Variants in TAPT1 observed in about 807,000 individuals in gnomAD.
TAPT1 encodes transmembrane anterior posterior transformation 1.
Under a neutral mutation model 65.6 loss-of-function variants are expected in TAPT1, and 28 were observed. That is an observed-to-expected ratio of 0.43 (90% confidence interval 0.32 to 0.59). TAPT1 has a LOEUF of 0.59. Among genes scored for constraint, TAPT1 ranks in the 20% least tolerant of loss-of-function variants. The probability of loss-of-function intolerance (pLI) is 0.09; values close to 1 mark genes in which losing one functional copy is unlikely to be tolerated. For synonymous variants in TAPT1, 278 were observed against 245.2 expected (o/e 1.13, Z -1.25); for missense variants, 563 against 679.9 (o/e 0.83, Z 1.91).
rs938505133 is a variant in TAPT1, at chr4:16,172,893, C to T, written c.1236+1311G>A. On this transcript the variant is annotated intron_variant, in intron 11 of 13. Coordinates refer to ENST00000405303, the MANE Select transcript of TAPT1 (RefSeq NM_153365.3). ...AGGCTGGAGGGCAGTGACGCGATCT[C>T]GGCTTACTGCAACCTTCCCTCCCAG... Among the ~76,000 whole-genome samples, 48 of 151,974 alleles carry T rather than the reference C, an allele frequency of 3.2e-4. 1 individual carries two copies. The highest frequency in any genetic ancestry group is 1.1e-3 in the African/African-American group (46 of 41,472).
chr4:16,165,609 A>G (rs1747557642), intron 13 of TAPT1, among the ~76,000 whole-genome samples: 1 of 152,086 alleles, frequency 6.6e-6, no homozygotes, highest in South Asian at 2.1e-4. Context: ...ACTAAAAGTT[A>G]TATGAACAAA....
chr4:16,180,579 G>A lies in TAPT1; in HGVS notation c.917-922C>T, dbSNP rs147928432. On this transcript the variant is annotated intron_variant, in intron 7 of 13. Coordinates refer to ENST00000405303, the MANE Select transcript of TAPT1 (RefSeq NM_153365.3). The stretch of plus-strand genomic sequence containing the variant: ...CAGCCATGGCGCACCTCCTGTAAGC[G>A]CTCTGAATTTCAATTTCATCCTGAT... 2.1e-4 allele frequency among the ~76,000 whole-genome samples: 32 copies of A among 152,250 alleles called. No homozygotes were observed. The Middle Eastern group carries it at 0.014, about 65-fold the overall frequency.
At position 16,194,645 on chromosome 4, in the gene TAPT1, A is replaced by G. The variant is rs576155110; in HGVS notation, c.450-3122T>C. ...TATCATTTGGTATTTCTAAAAATGA[A>G]CGCAAAAAAAAACTGGACTATTATG... is the stretch of plus-strand genomic sequence containing the variant. On this transcript the variant is annotated intron_variant, in intron 3 of 13. Transcript: ENST00000405303. 3.9e-5 allele frequency among the ~76,000 whole-genome samples: 6 copies of G among 152,280 alleles called. No homozygotes were observed. In the South Asian group the frequency reaches 1.2e-3, roughly 32 times the overall value.
At chr4:16,226,623 T>A, upstream of TAPT1, 1 of 260,952 alleles carries the variant, frequency 3.8e-6, no homozygotes, top group Non-Finnish European at 5.8e-6. Context: ...GCGACGCGTG[T>A]GAGGCCGCTG....
intron 13 of TAPT1, among the ~76,000 whole-genome samples, chr4:16,165,442 C>T (rs941288910): frequency 3.3e-5 from 5 of 151,462 alleles, no homozygotes; most frequent in Admixed American, 6.6e-5. Context: ...TGGTGGTGGG[C>T]GCCTGTAGTC....
intron 8 of TAPT1, among the ~76,000 whole-genome samples, chr4:16,178,744 T>C (rs1290562152): frequency 6.6e-6 from 1 of 152,246 alleles, no homozygotes; most frequent in Non-Finnish European, 1.5e-5. Flanking sequence ...GACAATTTCC[T>C]GTCAGCCTGA....
rs1375178549 is a variant in TAPT1, at chr4:16,179,822, GTGTGTA to G, written c.917-171_917-166del. 2.7e-3 allele frequency among the ~76,000 whole-genome samples: 375 copies of G among 141,216 alleles called. 1 individual carries two copies. Among genetic ancestry groups the G allele is most frequent in the African/African-American group, 0.01 (357 of 34,674 alleles). 92.6% of individuals were successfully genotyped at this position (141,216 alleles called of 152,430 possible). ...TATATATGTGTGTGTGTGTGTGTGT[GTGTGTA>G]TATATAGGCTGGTGCTACCATGGTA... On this transcript the variant is annotated intron_variant, in intron 7 of 13. Coordinates refer to ENST00000405303, the MANE Select transcript of TAPT1 (RefSeq NM_153365.3).
At position 16,161,102 on chromosome 4, in the gene TAPT1, G is replaced by A. The variant is rs1030983413; in HGVS notation, c.*2206C>T. 1.3e-5 allele frequency: 2 copies of A among 152,462 alleles called. No individual in the cohort carries two copies. Among genetic ancestry groups the A allele is most frequent in the Non-Finnish European group, 2.9e-5 (2 of 68,016 alleles). 9.4% of individuals were successfully genotyped at this position (152,462 alleles called of 1,614,324 possible). A position where few individuals can be genotyped will look rare whatever the true frequency, so the allele number is the denominator to read the frequency against. On this transcript the variant is annotated 3_prime_UTR_variant, in exon 14 of 14. Transcript: ENST00000405303. ...CTTCATTTGCTGAGAAATATTAAAT[G>A]GTCTATAATCAAGGCCGAGCCTATT...
chr4:16,211,779 T>TA (rs903812364), intron 2 of TAPT1, among the ~76,000 whole-genome samples: 16 of 150,630 alleles, frequency 1.1e-4, no homozygotes, highest in Admixed American at 7.3e-4. Flanking sequence ...TCTATTTTCT[T>TA]AAAAAAAAAA....
intron 1 of TAPT1, among the ~76,000 whole-genome samples, chr4:16,218,110 G>A (rs1178546204): frequency 6.6e-6 from 1 of 152,202 alleles, no homozygotes; most frequent in Non-Finnish European, 1.5e-5. Flanking sequence ...TAAATAAAAA[G>A]GTTTATTTGG....
chr4:16,213,672 A>T (rs1052217359), intron 2 of TAPT1, 96 bp downstream of exon 2: 1 of 1,112,152 alleles, frequency 9.0e-7, no homozygotes, highest in African/African-American at 1.6e-5. Flanking sequence ...TCAATTATTT[A>T]AAAAACTCAA....
At chr4:16,181,559 G>A (rs923096322) in intron 7 of TAPT1, among the ~76,000 whole-genome samples, 21 of 152,116 alleles carry the variant, frequency 1.4e-4, no homozygotes, top group Admixed American at 9.2e-4. Flanking sequence ...CTCATTAAAG[G>A]TGTATTTAAG....
chr4:16,211,305 G>C (rs148109178), intron 2 of TAPT1, among the ~76,000 whole-genome samples: 3,907 of 151,994 alleles, frequency 0.026, 83 homozygotes, highest in East Asian at 0.066. Flanking sequence ...AATTATTTAG[G>C]TTATCTTGCA....
At chr4:16,211,612 C>T (rs984315600) in intron 2 of TAPT1, among the ~76,000 whole-genome samples, 2 of 152,160 alleles carry the variant, frequency 1.3e-5, no homozygotes, top group South Asian at 2.1e-4. Context: ...AAGCCTCTCT[C>T]AGGGAAAACA....
intron 2 of TAPT1, among the ~76,000 whole-genome samples, chr4:16,203,912 CTTTT>C (rs1382134323): frequency 6.6e-6 from 1 of 152,072 alleles, no homozygotes; most frequent in Admixed American, 6.6e-5. Context: ...TATATAGGCC[CTTTT>C]TTTGTTTTTA....
intron 13 of TAPT1, among the ~76,000 whole-genome samples, chr4:16,165,065 C>T (rs1421624313): frequency 1.3e-5 from 2 of 152,072 alleles, no homozygotes; most frequent in Non-Finnish European, 2.9e-5. Context: ...CATGCTGGCC[C>T]TTCTGGAGTG....
At chr4:16,170,853 C>A in intron 11 of TAPT1, 124 bp from the exon 12 acceptor site, 1 of 663,654 alleles carries the variant, frequency 1.5e-6, no homozygotes, top group Non-Finnish European at 2.6e-6. Flanking sequence ...ATATCTATGG[C>A]CTTTGTCTAA....
intron 1 of TAPT1, among the ~76,000 whole-genome samples, chr4:16,217,160 C>G (rs1007063050): frequency 6.6e-6 from 1 of 152,162 alleles, no homozygotes; most frequent in Non-Finnish European, 1.5e-5. Flanking sequence ...AGAGTCTGTC[C>G]TTTCCCCTAC....
chr4:16,163,183 G>T lies in TAPT1; in HGVS notation c.*125C>A. On this transcript the variant is annotated 3_prime_UTR_variant, in exon 14 of 14. Transcript: ENST00000405303. ...TACTGGAAGAAAGATACTAAGATTT[G>T]CTTGCCAATAATAATTTAAGTTTTT... is the stretch of plus-strand genomic sequence containing the variant. 3 of 748,500 alleles carry T rather than the reference G, an allele frequency of 4.0e-6. No homozygotes were observed. The highest frequency in any genetic ancestry group is 6.8e-6 in the Non-Finnish European group (3 of 443,484). The allele number at this position is 748,500 out of a possible 1,614,324, so 46.4% of individuals were successfully genotyped here.
Sources: allele counts gnomAD v4.1 joint callset (sites outside exome capture counted in the v4.1 genomes callset), GRCh38; gene constraint gnomAD v4.1.1; transcripts MANE v1.5; gene names NCBI Gene and HGNC (gene_info 2026-07-23, HGNC 2026-07-21).